MOG: variants seen among roughly 807,000 people sequenced by gnomAD.
MOG encodes the protein myelin-oligodendrocyte glycoprotein.
A neutral mutation model predicts 35.9 loss-of-function variants in MOG; 20 were observed. That is an observed-to-expected ratio of 0.56 (90% CI 0.39 to 0.81). The LOEUF (loss-of-function observed/expected upper bound fraction) is 0.81. Among genes scored for constraint, MOG ranks in the 30% least tolerant of loss-of-function variants. MOG has a pLI of 0.00. For missense variants in MOG, 251 were observed against 301.0 expected (o/e 0.83, Z 1.23); for synonymous variants, 92 against 114.3 (o/e 0.80, Z 1.25).
chr6:29,667,993 G>A (rs9468580), intron 5 of MOG, 69 bp downstream of exon 5: 16,555 of 1,495,266 alleles, frequency 0.011, 166 homozygotes, highest in African/African-American at 0.033. Flanking sequence ...GTCACCTGGG[G>A]GAACAAGGAC....
intron 2 of MOG, chr6:29,661,664 C>T (rs2747417): frequency 0.037 from 30,238 of 824,608 alleles, 1,175 homozygotes; most frequent in African/African-American, 0.17. Context: ...CTACTAAAAA[C>T]ACAAAATTAG....
intron 3 of MOG, 29 bp downstream of exon 3, chr6:29,666,294 A>T: frequency 7.3e-7 from 1 of 1,367,772 alleles, no homozygotes; most frequent in Non-Finnish European, 1.0e-6. Context: ...GTGGATCAGG[A>T]TCCTTTCTTT....
chr6:29,662,300 A>C lies in MOG; in HGVS notation c.436+2634A>C, dbSNP rs1388709188. 1.3e-5 allele frequency: 5 copies of C among 372,028 alleles called. No homozygotes were observed. The highest frequency in any genetic ancestry group is 1.1e-4 in the African/African-American group (5 of 45,166). 23.0% of individuals were successfully genotyped at this position (372,028 alleles called of 1,614,324 possible). A position where few individuals can be genotyped will look rare whatever the true frequency, so the allele number is the denominator to read the frequency against. ...GGAGTTCGAGACCAGCCTGATCAAC[A>C]TGGAGAAACCCCGTCTCTACTAAAA... On this transcript the variant is annotated intron_variant, in intron 2 of 7. Coordinates refer to ENST00000376917, the MANE Select transcript of MOG (RefSeq NM_206809.4). This position sits in a 1 kb window ranked among gnomAD's most constrained non-coding sequence, Gnocchi z 4.2.
chr6:29,659,788 T>C, intron 2 of MOG, 122 bp downstream of exon 2: 1 of 819,968 alleles, frequency 1.2e-6, no homozygotes, highest in Non-Finnish European at 2.0e-6. Flanking sequence ...TCCATAAAAA[T>C]GTACACATCA....
In MOG at chr6:29,671,464, C is replaced by T. The variant is rs1023520837; in HGVS notation, c.*279C>T. On this transcript the variant is annotated 3_prime_UTR_variant, in exon 8 of 8. Transcript: ENST00000376917. Reference sequence around the variant, plus strand: ...CTCTCTGGCTAAGGACAGGCAGGTGCCCCTCTCTCCATCAGAGGACACCTG... The same window carrying T: ...CTCTCTGGCTAAGGACAGGCAGGTGTCCCTCTCTCCATCAGAGGACACCTG... 1 of 1,535,454 alleles carries T rather than the reference C, an allele frequency of 6.5e-7. No individual in the cohort carries two copies. The highest frequency in any genetic ancestry group is 2.2e-5 in the East Asian group (1 of 44,490).
chr6:29,659,246 C>A, intron 1 of MOG, 73 bp from the exon 2 acceptor site: 1 of 1,389,338 alleles, frequency 7.2e-7, no homozygotes, highest in Non-Finnish European at 1.0e-6. Context: ...TTTGAAGCAG[C>A]CCTTCTCATG....
chr6:29,657,325 G>C, intron 1 of MOG, 28 bp downstream of exon 1: 1 of 1,510,338 alleles, frequency 6.6e-7, no homozygotes, highest in Non-Finnish European at 9.0e-7. Flanking sequence ...TCCTGCCCTG[G>C]GGAGACCCTG....
intron 2 of MOG, chr6:29,659,936 G>T: frequency 1.8e-6 from 1 of 563,656 alleles, no homozygotes; most frequent in Non-Finnish European, 3.2e-6. Flanking sequence ...TATTATGCAG[G>T]CATTAAAAAG....
rs773204949 is a variant in MOG at position 29,659,661 on chromosome 6, TAGA to T, written c.434_436del (p.Glu145del). 10 of 1,612,584 alleles carry T rather than the reference TAGA, an allele frequency of 6.2e-6. No individual in the cohort carries two copies. The highest frequency in any genetic ancestry group is 8.5e-6 in the Non-Finnish European group (10 of 1,179,580). ...GAGGAGGCAGCAATGGAATTGAAAGTAGAAGGTGAGTAGTGCCATATAATATTA... is the reference window on the plus strand; with the variant it reads ...GAGGAGGCAGCAATGGAATTGAAAGTAGGTGAGTAGTGCCATATAATATTA... On this transcript the variant is annotated inframe_deletion and splice_region_variant, in exon 2 of 8. Transcript: ENST00000376917.
chr6:29,666,568 T>TTACTCAAACCGA (rs1354000368), intron 3 of MOG, among the ~76,000 whole-genome samples: 1 of 152,148 alleles, frequency 6.6e-6, no homozygotes, highest in Non-Finnish European at 1.5e-5. Context: ...CCGATATAAC[T>TTACTCAAACCGA]TATAAGTGGT....
At position 29,662,268 on chromosome 6, in the gene MOG, G is replaced by C; in HGVS notation, c.436+2602G>C. 1.4e-6 allele frequency: 1 copy of C among 717,144 alleles called. No homozygotes were observed. The allele number at this position is 717,144 out of a possible 1,614,324, so 44.4% of individuals were successfully genotyped here. A position where few individuals can be genotyped will look rare whatever the true frequency, so the allele number is the denominator to read the frequency against. The stretch of plus-strand genomic sequence containing the variant: ...GGAGGCCGAAGCGGGCAGATCACCC[G>C]AGGTCAGGAGTTCGAGACCAGCCTG... On this transcript the variant is annotated intron_variant, in intron 2 of 7. Transcript: ENST00000376917. This position sits in a 1 kb window ranked among gnomAD's most constrained non-coding sequence, Gnocchi z 4.2.
At chr6:29,660,627 T>A (rs1020522925) in intron 2 of MOG, among the ~76,000 whole-genome samples, 7 of 149,430 alleles carry the variant, frequency 4.7e-5, no homozygotes, top group Non-Finnish European at 1.0e-4. Context: ...GTAAATCAAA[T>A]GTCTAAATAT....
At position 29,657,180 on chromosome 6, in the gene MOG, G is replaced by C. The variant is rs762971636; in HGVS notation, c.-30G>C. ...CCTCCACTTGGCCTGACCTTGCTGC[G>C]GGGGCTCTCTGTCCCCAGGAACAGT... On this transcript the variant is annotated 5_prime_UTR_variant, in exon 1 of 8. Transcript: ENST00000376917. 6.5e-7 allele frequency: 1 copy of C among 1,543,828 alleles called. No individual in the cohort carries two copies. The highest frequency in any genetic ancestry group is 8.9e-7 in the Non-Finnish European group (1 of 1,118,160).
At chr6:29,666,102 T>A (rs1338712807) in intron 2 of MOG, 50 bp from the exon 3 acceptor site, 1 of 1,113,932 alleles carries the variant, frequency 9.0e-7, no homozygotes, top group Non-Finnish European at 1.4e-6. Context: ...CCATGCTGAG[T>A]GTTGGGGATT....
chr6:29,657,640 C>T (rs1583073077), intron 1 of MOG, among the ~76,000 whole-genome samples: 1 of 150,484 alleles, frequency 6.6e-6, no homozygotes, highest in African/African-American at 2.4e-5. Context: ...CCTGCCACCA[C>T]ACCCAGCTAA....
Position 29,670,004 on chromosome 6 carries a change from C to T in MOG, c.593-277C>T. ...CTGGCTGGTCTTGAACTCTTGGCCT[C>T]ATGATCCACCCGTCTCGGACTCCCA... On this transcript the variant is annotated intron_variant, in intron 5 of 7. Transcript: ENST00000376917. This position sits in a 1 kb window ranked among gnomAD's most constrained non-coding sequence, Gnocchi z 4.2. 4.3e-6 allele frequency: 3 copies of T among 689,714 alleles called. No individual in the cohort carries two copies. The South Asian group carries it at 4.9e-5, about 11-fold the overall frequency. 42.7% of individuals were successfully genotyped at this position (689,714 alleles called of 1,614,324 possible).
At chr6:29,661,930 C>G (rs1180219765) in intron 2 of MOG, 1 of 985,192 alleles carries the variant, frequency 1.0e-6, no homozygotes, top group Non-Finnish European at 1.2e-6. Flanking sequence ...CCTCCTGTTC[C>G]CACCTCTTCG....
At chr6:29,659,890 A>G (rs957556920) in intron 2 of MOG, 3 of 607,768 alleles carry the variant, frequency 4.9e-6, no homozygotes, top group African/African-American at 1.8e-5. Flanking sequence ...TTGAGTAGGT[A>G]AGTGACAGAA....
intron 2 of MOG, chr6:29,660,068 C>T (rs370093633): frequency 1.1e-5 from 3 of 283,596 alleles, no homozygotes; most frequent in East Asian, 8.8e-5. Flanking sequence ...TGGTTTGCCT[C>T]GCAGCTACTC....
Sources: gnomAD v4.1 joint callset for allele counts (sites outside exome capture counted in the v4.1 genomes callset) on GRCh38, gnomAD v4.1.1 for gene constraint, Gnocchi (gnomAD v3.1) non-coding constraint, MANE v1.5 for transcripts, NCBI Gene and HGNC (gene_info 2026-07-23, HGNC 2026-07-21) for gene names.